HDHD3: variants seen among roughly 807,000 people sequenced by gnomAD.
The protein encoded by HDHD3 is haloacid dehalogenase-like hydrolase domain-containing protein 3.
HDHD3 carries 6 observed loss-of-function variants against 6.9 expected under a neutral mutation model. That is an observed-to-expected ratio of 0.87 (90% CI 0.48 to 1.72). The LOEUF is 1.72. Among genes scored for constraint, HDHD3 ranks in the 40% most tolerant of loss-of-function variants. The pLI, the probability that HDHD3 is intolerant of heterozygous loss-of-function variation, is 0.01. For synonymous variants in HDHD3, 139 were observed against 140.7 expected (o/e 0.99, Z 0.08); for missense variants, 308 against 327.4 (o/e 0.94, Z 0.46).
chr9:113,374,267 C>A lies in HDHD3; in HGVS notation c.88G>T (p.Ala30Ser). Reference protein sequence around the residue: ...RLRHPLGEAYATKARAHGLEV... With the variant: ...RLRHPLGEAYSTKARAHGLEV... ...AGCCCATGGGCCCGGGCCTTGGTGGCATAGGCCTCCCCTAAGGGGTGGCGG... is the reference window on the plus strand; with the variant it reads ...AGCCCATGGGCCCGGGCCTTGGTGGAATAGGCCTCCCCTAAGGGGTGGCGG... Residue 30 changes from alanine to serine, a missense_variant, in exon 3 of 3, where the codon GCC (alanine) becomes TCC (serine). Transcript: ENST00000374180. 6.3e-7 allele frequency: 1 copy of A among 1,591,400 alleles called. No individual in the cohort carries two copies. The highest frequency in any genetic ancestry group is 1.8e-5 in the Admixed American group (1 of 56,876).
In HDHD3 at chr9:113,373,755, C is replaced by G. The variant is rs1265176819; in HGVS notation, c.600G>C (p.Gly200=). 2.2e-5 allele frequency: 35 copies of G among 1,613,192 alleles called. No individual in the cohort carries two copies. Among genetic ancestry groups the G allele is most frequent in the Non-Finnish European group, 2.6e-5 (31 of 1,179,510 alleles). The change falls in exon 3 of 3, where the codon GGG becomes GGC. Residue 200 remains glycine, a synonymous_variant. Transcript: ENST00000374180. ...AGCTGTGCATGCCCACAGCCCGAGG[C>G]CCCTGGTAATCGCAGAGGTAATTAT... The part of the protein sequence containing the change: ...VGDNYLCDYQ[G]PRAVGMHSFL...
Position 113,374,374 on chromosome 9 carries a change from C to T in HDHD3, c.-20G>A. ...TGCCATGGAGGAGGCCAAGTCCACC[C>T]CAGTTCTGCCTCAGGTCCCACGGTG... On this transcript the variant is annotated 5_prime_UTR_variant, in exon 3 of 3. Coordinates refer to ENST00000374180, the MANE Select transcript of HDHD3 (RefSeq NM_001304509.2). 6.7e-7 allele frequency: 1 copy of T among 1,501,522 alleles called. No individual in the cohort carries two copies. Among genetic ancestry groups the T allele is most frequent in the Non-Finnish European group, 8.9e-7 (1 of 1,124,428 alleles). The allele number at this position is 1,501,522 out of a possible 1,614,324, so 93.0% of individuals were successfully genotyped here.
chr9:113,376,725 T>TC lies in HDHD3; in HGVS notation c.-291+3dup, dbSNP rs1834475392. On this transcript the variant is annotated splice_donor_region_variant and intron_variant, in intron 1 of 2. Coordinates refer to ENST00000374180, the MANE Select transcript of HDHD3 (RefSeq NM_001304509.2). Reference sequence around the variant, plus strand: ...GCTCTGCGCTGCAGGCACGAACTGCTCACCTTTTCTCCCCACCTCCAGGGC... The same window carrying TC: ...GCTCTGCGCTGCAGGCACGAACTGCTCCACCTTTTCTCCCCACCTCCAGGGC... 6.6e-6 allele frequency: 1 copy of TC among 152,106 alleles called. No homozygotes were observed. Among genetic ancestry groups the TC allele is most frequent in the African/African-American group, 2.4e-5 (1 of 41,418 alleles). 9.4% of individuals were successfully genotyped at this position (152,106 alleles called of 1,614,324 possible).
At chr9:113,375,295 TAGAC>T (rs1360576315) in intron 2 of HDHD3, among the ~76,000 whole-genome samples, 154 bp downstream of exon 2, 5 of 151,682 alleles carry the variant, frequency 3.3e-5, no homozygotes, top group African/African-American at 7.2e-5. Context: ...GCAGGGCAAG[TAGAC>T]AGAGGCCAGC....
At position 113,374,319 on chromosome 9, in the gene HDHD3, C is replaced by G; in HGVS notation, c.36G>C (p.Trp12Cys). ...AHRLQIRLLTWDVKDTLLRLR... is the reference protein window; with the variant it reads ...AHRLQIRLLTCDVKDTLLRLR... Reference sequence around the variant, plus strand: ...GCCTGAGCAGCGTGTCCTTCACATCCCACGTCAGCAGTCGTATCTGCAGCC... The same window carrying G: ...GCCTGAGCAGCGTGTCCTTCACATCGCACGTCAGCAGTCGTATCTGCAGCC... Residue 12 changes from tryptophan to cysteine, a missense_variant, in exon 3 of 3, where the codon TGG becomes TGC. Trp to Cys is a radical substitution (Grantham distance 215, BLOSUM62 -2). Transcript: ENST00000374180. The G allele has an allele frequency of 6.6e-7, 1 of 1,524,188 alleles. No individual in the cohort carries two copies. Among genetic ancestry groups the G allele is most frequent in the Admixed American group, 2.2e-5 (1 of 46,360 alleles). The allele number at this position is 1,524,188 out of a possible 1,614,324, so 94.4% of individuals were successfully genotyped here. A position where few individuals can be genotyped will look rare whatever the true frequency, so the allele number is the denominator to read the frequency against.
At chr9:113,375,019 A>G (rs1356413425) in intron 2 of HDHD3, among the ~76,000 whole-genome samples, 1 of 151,534 alleles carries the variant, frequency 6.6e-6, no homozygotes, top group Non-Finnish European at 1.5e-5. Context: ...ACGTGCCACC[A>G]TGCCCGGCTA....
chr9:113,375,334 T>C (rs1216315915), intron 2 of HDHD3, 119 bp downstream of exon 2: 1 of 151,686 alleles, frequency 6.6e-6, no homozygotes, highest in East Asian at 1.9e-4. Flanking sequence ...GACACAATTA[T>C]TATGATTGCT....
chr9:113,374,127 C>T lies in HDHD3; in HGVS notation c.228G>A (p.Leu76=). 1 of 1,600,320 alleles carries T rather than the reference C, an allele frequency of 6.2e-7. No homozygotes were observed. Among genetic ancestry groups the T allele is most frequent in the Non-Finnish European group, 8.6e-7 (1 of 1,169,094 alleles). The part of the protein sequence containing the change: ...SHGLTSRQWW[L]DVVLQTFHLA... ...GGTGGAAGGTCTGCAGGACCACATC[C>T]AGCCACCACTGGCGGGAGGTTAGGC... The change falls in exon 3 of 3, where the codon CTG becomes CTA. Residue 76 remains leucine, a synonymous_variant. Coordinates refer to ENST00000374180, the MANE Select transcript of HDHD3 (RefSeq NM_001304509.2).
rs1834412866 is a variant in HDHD3 at position 113,374,361 on chromosome 9, G to A, written c.-7C>T. On this transcript the variant is annotated 5_prime_UTR_variant, in exon 3 of 3. Transcript: ENST00000374180. ...TCTGCAGCCGGTGTGCCATGGAGGAGGCCAAGTCCACCCCAGTTCTGCCTC... is the reference window on the plus strand; with the variant it reads ...TCTGCAGCCGGTGTGCCATGGAGGAAGCCAAGTCCACCCCAGTTCTGCCTC... The A allele has an allele frequency of 4.0e-6, 6 of 1,508,612 alleles. No individual in the cohort carries two copies. The highest frequency in any genetic ancestry group is 4.4e-6 in the Non-Finnish European group (5 of 1,127,856). 93.5% of individuals were successfully genotyped at this position (1,508,612 alleles called of 1,614,324 possible).
chr9:113,373,743 C>T lies in HDHD3; in HGVS notation c.612G>A (p.Val204=), dbSNP rs1834386637. Residue 204 remains valine (V), a synonymous_variant, in exon 3 of 3, where the codon GTG becomes GTA. Transcript: ENST00000374180. Reference sequence around the variant, plus strand: ...CAACCACCAGGAAGCTGTGCATGCCCACAGCCCGAGGCCCCTGGTAATCGC... The same window carrying T: ...CAACCACCAGGAAGCTGTGCATGCCTACAGCCCGAGGCCCCTGGTAATCGC... ...YLCDYQGPRA[V]GMHSFLVVGP... is the part of the protein sequence containing the mutation. 3 of 1,613,866 alleles carry T rather than the reference C, an allele frequency of 1.9e-6. No homozygotes were observed. Among genetic ancestry groups the T allele is most frequent in the African/African-American group, 2.7e-5 (2 of 75,064 alleles).
At chr9:113,374,903 TCTC>T (rs1834425475) in intron 2 of HDHD3, among the ~76,000 whole-genome samples, 1 of 109,106 alleles carries the variant, frequency 9.2e-6, no homozygotes, top group Non-Finnish European at 2.4e-5. Flanking sequence ...TGAGACAGGG[TCTC>T]TCTCTGTCTC....
At position 113,373,641 on chromosome 9, in the gene HDHD3, C is replaced by A. The variant is rs749056234; in HGVS notation, c.714G>T (p.Leu238=). 2 of 1,606,368 alleles carry A rather than the reference C, an allele frequency of 1.2e-6. No individual in the cohort carries two copies. Among genetic ancestry groups the A allele is most frequent in the Admixed American group, 1.7e-5 (1 of 59,488 alleles). ...AGCCCTCTAGGCAGTCAAGGGCAGG[C>A]AGGAGATGGGCCAGAGAGGGGAGGA... is the stretch of plus-strand genomic sequence containing the variant. ...EHILPSLAHL[L]PALDCLEGST... is the part of the protein sequence containing the mutation. Residue 238 remains leucine (L), a synonymous_variant, in exon 3 of 3, where the codon CTG becomes CTT. Coordinates refer to ENST00000374180, the MANE Select transcript of HDHD3 (RefSeq NM_001304509.2).
Position 113,374,442 on chromosome 9 carries a change from A to C in HDHD3, c.-88T>G. The C allele has an allele frequency of 8.0e-7, 1 of 1,252,620 alleles. No homozygotes were observed. The highest frequency in any genetic ancestry group is 1.1e-6 in the Non-Finnish European group (1 of 936,846). 77.6% of individuals were successfully genotyped at this position (1,252,620 alleles called of 1,614,324 possible). ...AGCTGGATAAGACCACCTCTGCGCA[A>C]CCTAACAATCACCTCTTTCCAGGCC... is the stretch of plus-strand genomic sequence containing the variant. On this transcript the variant is annotated 5_prime_UTR_variant, in exon 3 of 3. Transcript: ENST00000374180.
At chr9:113,375,252 G>C (rs922200805) in intron 2 of HDHD3, among the ~76,000 whole-genome samples, 1 of 152,212 alleles carries the variant, frequency 6.6e-6, no homozygotes, top group Admixed American at 6.5e-5. Flanking sequence ...GAGTGCTCCC[G>C]TCAGTGGAAA....
chr9:113,376,726 C>G lies in HDHD3; in HGVS notation c.-291+3G>C, dbSNP rs1249883137. 3 of 152,184 alleles carry G rather than the reference C, an allele frequency of 2.0e-5. No individual in the cohort carries two copies. The highest frequency in any genetic ancestry group is 7.2e-5 in the African/African-American group (3 of 41,426). 9.4% of individuals were successfully genotyped at this position (152,184 alleles called of 1,614,324 possible). A position where few individuals can be genotyped will look rare whatever the true frequency, so the allele number is the denominator to read the frequency against. On this transcript the variant is annotated splice_donor_region_variant and intron_variant, in intron 1 of 2. Coordinates refer to ENST00000374180, the MANE Select transcript of HDHD3 (RefSeq NM_001304509.2). Reference sequence around the variant, plus strand: ...CTCTGCGCTGCAGGCACGAACTGCTCACCTTTTCTCCCCACCTCCAGGGCT... The same window carrying G: ...CTCTGCGCTGCAGGCACGAACTGCTGACCTTTTCTCCCCACCTCCAGGGCT...
chr9:113,376,377 A>T (rs1166872549), intron 1 of HDHD3, among the ~76,000 whole-genome samples: 2 of 105,878 alleles, frequency 1.9e-5, no homozygotes, highest in Non-Finnish European at 3.6e-5. Context: ...TTTGAGACAG[A>T]GTCTCACTCT....
At position 113,374,100 on chromosome 9, in the gene HDHD3, C is replaced by T. The variant is rs1464414916; in HGVS notation, c.255G>A (p.Leu85=). The part of the protein sequence containing the change: ...WLDVVLQTFH[L]AGVQDAQAVA... Reference sequence around the variant, plus strand: ...CAGCCTGAGCATCCTGGACACCCGCCAGGTGGAAGGTCTGCAGGACCACAT... The same window carrying T: ...CAGCCTGAGCATCCTGGACACCCGCTAGGTGGAAGGTCTGCAGGACCACAT... Residue 85 remains leucine, a synonymous_variant, in exon 3 of 3, where the codon CTG becomes CTA. Transcript: ENST00000374180. 3 of 1,605,918 alleles carry T rather than the reference C, an allele frequency of 1.9e-6. 1 individual carries two copies. The highest frequency in any genetic ancestry group is 2.6e-6 in the Non-Finnish European group (3 of 1,173,424).
chr9:113,373,486 G>GC lies in HDHD3; in HGVS notation c.*112dup. The GC allele has an allele frequency of 1.7e-6, 2 of 1,184,930 alleles. No homozygotes were observed. The highest frequency in any genetic ancestry group is 2.3e-6 in the Non-Finnish European group (2 of 852,520). 73.4% of individuals were successfully genotyped at this position (1,184,930 alleles called of 1,614,324 possible). ...ATTATCACAGTAGGTGACAAAGGCC[G>GC]CAGGGAGAGGGGGAAAGGTCCAGAG... On this transcript the variant is annotated 3_prime_UTR_variant, in exon 3 of 3. Coordinates refer to ENST00000374180, the MANE Select transcript of HDHD3 (RefSeq NM_001304509.2).
intron 1 of HDHD3, among the ~76,000 whole-genome samples, chr9:113,376,440 C>T (rs554661931): frequency 3.5e-5 from 5 of 143,398 alleles, no homozygotes; most frequent in African/African-American, 1.4e-4. Flanking sequence ...TTCCGCCTCC[C>T]GGATTCAAGC....
Sources: gnomAD v4.1 joint callset for allele counts (sites outside exome capture counted in the v4.1 genomes callset) on GRCh38, gnomAD v4.1.1 for gene constraint, MANE v1.5 for transcripts, NCBI Gene and HGNC (gene_info 2026-07-23, HGNC 2026-07-21) for gene names.